Variants in IQGAP2 observed in about 807,000 individuals in gnomAD.
IQGAP2 encodes ras GTPase-activating-like protein IQGAP2.
Under a neutral mutation model 201.3 loss-of-function variants are expected in IQGAP2, and 173 were observed. The observed-to-expected ratio is 0.86, with a 90% CI of 0.76 to 0.98. IQGAP2 has a LOEUF of 0.98. Among genes scored for constraint, IQGAP2 ranks in the 50% least tolerant of loss-of-function variants. IQGAP2 has a pLI of 0.00. For synonymous variants in IQGAP2, 675 were observed against 673.9 expected (o/e 1.00, Z -0.03); for missense variants, 1,687 against 1,864.8 (o/e 0.90, Z 1.76).
At chr5:76,615,267 T>G (rs1748836303) in intron 13 of IQGAP2, among the ~76,000 whole-genome samples, 1 of 152,232 alleles carries the variant, frequency 6.6e-6, no homozygotes, top group South Asian at 2.1e-4. Context: ...TAGGTAAAAC[T>G]GTGTTGTAAT....
At chr5:76,677,900 C>T (rs1216161677) in intron 28 of IQGAP2, among the ~76,000 whole-genome samples, 1 of 152,016 alleles carries the variant, frequency 6.6e-6, no homozygotes, top group African/African-American at 2.4e-5. Flanking sequence ...CACTGCACTC[C>T]AGCCGGGGCA....
intron 2 of IQGAP2, among the ~76,000 whole-genome samples, chr5:76,485,343 A>T (rs550164874): frequency 3.3e-4 from 50 of 152,244 alleles, no homozygotes; most frequent in Non-Finnish European, 5.9e-4. Flanking sequence ...GCAAAATATT[A>T]TCTATAAATA....
chr5:76,532,265 A>G (rs1225510793), intron 2 of IQGAP2, among the ~76,000 whole-genome samples: 1 of 152,200 alleles, frequency 6.6e-6, no homozygotes, highest in Non-Finnish European at 1.5e-5. Flanking sequence ...CCAGATACTC[A>G]AGAGGCTGAA....
chr5:76,606,361 C>T, intron 12 of IQGAP2, 58 bp downstream of exon 12: 1 of 1,450,610 alleles, frequency 6.9e-7, no homozygotes. Context: ...ATCTGGACAA[C>T]TTAGTTTTCT....
chr5:76,530,511 G>A (rs1759231847), intron 2 of IQGAP2, among the ~76,000 whole-genome samples: 1 of 152,120 alleles, frequency 6.6e-6, no homozygotes, highest in Non-Finnish European at 1.5e-5. Flanking sequence ...AAAATATTTG[G>A]TGTGTAATCA....
chr5:76,674,602 A>G lies in IQGAP2; in HGVS notation c.3420A>G (p.Ser1140=). 2 of 1,614,160 alleles carry G rather than the reference A, an allele frequency of 1.2e-6. No individual in the cohort carries two copies. The highest frequency in any genetic ancestry group is 1.7e-6 in the Non-Finnish European group (2 of 1,179,996). The part of the protein sequence containing the change: ...INSDQRRNLG[S]VAKVLQHAAS... ...CTGACCAAAGGAGAAACTTAGGATC[A>G]GTGGCCAAGGTTCTTCAGCACGCAG... The change falls in exon 27 of 36, where the codon TCA becomes TCG. Residue 1140 remains serine, a synonymous_variant. Coordinates refer to ENST00000274364, the MANE Select transcript of IQGAP2 (RefSeq NM_006633.5).
intron 28 of IQGAP2, among the ~76,000 whole-genome samples, chr5:76,680,407 C>G (rs952118291): frequency 2.6e-5 from 4 of 152,096 alleles, no homozygotes; most frequent in Non-Finnish European, 1.5e-5. Flanking sequence ...AGGAGTAAAT[C>G]TTTGTGACCT....
intron 6 of IQGAP2, 124 bp downstream of exon 6, chr5:76,589,097 A>G (rs1746450138): frequency 8.0e-6 from 4 of 500,820 alleles, no homozygotes; most frequent in South Asian, 2.1e-5. Flanking sequence ...GCGGATCACA[A>G]GGTCAGGAGA....
At chr5:76,670,465 G>T (rs1437639175) in intron 23 of IQGAP2, among the ~76,000 whole-genome samples, 1 of 152,216 alleles carries the variant, frequency 6.6e-6, no homozygotes, top group East Asian at 1.9e-4. Flanking sequence ...AGTGAGCTGA[G>T]ATCGCGCCAC....
At position 76,439,824 on chromosome 5, in the gene IQGAP2, G is replaced by A. The variant is rs1370038509; in HGVS notation, c.47-21746G>A. ...CATTTTGCCAATCTATATCTTTTAA[G>A]TGGAGCATTTAGGCTATTTATGTTC... On this transcript the variant is annotated intron_variant, in intron 1 of 35. Coordinates refer to ENST00000274364, the MANE Select transcript of IQGAP2 (RefSeq NM_006633.5). Among the ~76,000 whole-genome samples, 4 of 152,246 alleles carry A rather than the reference G, an allele frequency of 2.6e-5. No homozygotes were observed. In the South Asian group the frequency reaches 6.2e-4, roughly 24 times the overall value.
At chr5:76,559,084 T>G (rs10051729) in intron 2 of IQGAP2, among the ~76,000 whole-genome samples, 87,803 of 151,782 alleles carry the variant, frequency 0.58, 26,872 homozygotes, top group African/African-American at 0.77. Flanking sequence ...TGTATTTTTA[T>G]TAGAGACGGG....
intron 16 of IQGAP2, among the ~76,000 whole-genome samples, chr5:76,639,906 C>A (rs1290189565): frequency 6.6e-6 from 1 of 152,164 alleles, no homozygotes; most frequent in African/African-American, 2.4e-5. Context: ...AAATTATAGA[C>A]ATACTAAAAA....
At chr5:76,680,513 C>G (rs137881666) in intron 28 of IQGAP2, among the ~76,000 whole-genome samples, 1 of 152,106 alleles carries the variant, frequency 6.6e-6, no homozygotes, top group African/African-American at 2.4e-5. Context: ...AACTTTTGAG[C>G]TATAAAGAGT....
intron 17 of IQGAP2, among the ~76,000 whole-genome samples, chr5:76,649,766 A>G (rs1396340260): frequency 6.6e-6 from 1 of 152,182 alleles, no homozygotes; most frequent in Admixed American, 6.5e-5. Flanking sequence ...CTCCAACCCC[A>G]CACTTCTCCT....
chr5:76,654,113 C>A, intron 18 of IQGAP2, 87 bp from the exon 19 acceptor site: 1 of 858,240 alleles, frequency 1.2e-6, no homozygotes, highest in Non-Finnish European at 1.8e-6. Context: ...AAAAACTACA[C>A]AAAACCGTAT....
chr5:76,474,563 T>C (rs911419519), intron 2 of IQGAP2, among the ~76,000 whole-genome samples: 1 of 152,120 alleles, frequency 6.6e-6, no homozygotes. Context: ...TGTCCCTGGG[T>C]TGCTTTTTTG....
In IQGAP2 at chr5:76,665,070, A is replaced by C. The variant is rs1441016954; in HGVS notation, c.2574A>C (p.Gly858=). Residue 858 remains glycine (G), a synonymous_variant, in exon 22 of 36, where the codon GGA becomes GGC. Transcript: ENST00000274364. ...AAAAGCTGAACAAGAAAAAAGGAGGAGAAATGGAAATACTGAATAACACCG... is the reference window on the plus strand; with the variant it reads ...AAAAGCTGAACAAGAAAAAAGGAGGCGAAATGGAAATACTGAATAACACCG... ...HSKKLNKKKG[G]EMEILNNTDN... The C allele has an allele frequency of 6.3e-7, 1 of 1,598,054 alleles. No individual in the cohort carries two copies. Among genetic ancestry groups the C allele is most frequent in the South Asian group, 1.1e-5 (1 of 90,546 alleles).
At chr5:76,593,132 A>T (rs572437568) in intron 9 of IQGAP2, among the ~76,000 whole-genome samples, 1 of 152,148 alleles carries the variant, frequency 6.6e-6, no homozygotes, top group Non-Finnish European at 1.5e-5. Flanking sequence ...AGTCCACACA[A>T]AGTATCCTGA....
At chr5:76,569,059 G>C (rs968795475) in intron 3 of IQGAP2, among the ~76,000 whole-genome samples, 1 of 152,138 alleles carries the variant, frequency 6.6e-6, no homozygotes, top group Non-Finnish European at 1.5e-5. Flanking sequence ...TCTGGGCTCT[G>C]TTTATTCCTT....
Sources: gnomAD v4.1 joint callset for allele counts (sites outside exome capture counted in the v4.1 genomes callset) on GRCh38, gnomAD v4.1.1 for gene constraint, MANE v1.5 for transcripts, NCBI Gene and HGNC (gene_info 2026-07-23, HGNC 2026-07-21) for gene names.